Variants in GFRA2 observed in about 807,000 individuals in gnomAD.
The protein encoded by GFRA2 is GDNF family receptor alpha-2.
Under a neutral mutation model 48.3 loss-of-function variants are expected in GFRA2, and 17 were observed. The ratio of observed to expected loss-of-function variants is 0.35; its 90% CI spans 0.24 to 0.53. The LOEUF is 0.53. Among genes scored for constraint, GFRA2 ranks in the 20% least tolerant of loss-of-function variants. The pLI, the probability that GFRA2 is intolerant of heterozygous loss-of-function variation, is 0.93. For synonymous variants in GFRA2, 305 were observed against 257.2 expected (o/e 1.19, Z -1.78); for missense variants, 660 against 637.3 (o/e 1.04, Z -0.38).
chr8:21,693,500 G>A (rs1801975019), intron 8 of GFRA2, 100 bp from the exon 9 acceptor site: 2 of 1,123,202 alleles, frequency 1.8e-6, no homozygotes, highest in Middle Eastern at 2.0e-4. Flanking sequence ...CTCAGGAACT[G>A]GACACCTCAA....
chr8:21,706,831 C>T (rs1250406657), intron 4 of GFRA2, among the ~76,000 whole-genome samples: 1 of 152,226 alleles, frequency 6.6e-6, no homozygotes, highest in African/African-American at 2.4e-5. Flanking sequence ...GGGTCTGTCC[C>T]CAGCCCTCAG....
chr8:21,713,541 G>A (rs541853362), intron 4 of GFRA2, among the ~76,000 whole-genome samples: 2 of 152,158 alleles, frequency 1.3e-5, no homozygotes, highest in East Asian at 3.9e-4. Flanking sequence ...CAAAGGGGAA[G>A]AGAGCAGGGC....
intron 2 of GFRA2, among the ~76,000 whole-genome samples, chr8:21,780,254 G>A (rs1032957583): frequency 6.6e-5 from 10 of 152,022 alleles, no homozygotes; most frequent in South Asian, 2.1e-4. Flanking sequence ...TGGCCGGCAC[G>A]GGGAGCATGG....
chr8:21,704,979 A>G lies in GFRA2; in HGVS notation c.1045+6T>C. ...GCTGGGGTTGGGGAGAACATCCAGA[A>G]CTTACGGAGGCATGGGTTCTCGGTG... On this transcript the variant is annotated splice_donor_region_variant and intron_variant, in intron 6 of 8. Coordinates refer to ENST00000524240, the MANE Select transcript of GFRA2 (RefSeq NM_001495.5). 1 of 1,607,524 alleles carries G rather than the reference A, an allele frequency of 6.2e-7. No homozygotes were observed. The highest frequency in any genetic ancestry group is 2.2e-5 in the East Asian group (1 of 44,760).
intron 7 of GFRA2, among the ~76,000 whole-genome samples, chr8:21,699,980 C>T (rs767419340): frequency 1.7e-4 from 26 of 152,150 alleles, no homozygotes; most frequent in East Asian, 1.2e-3. Flanking sequence ...GCCATGAACA[C>T]GCAAAGCAGG....
chr8:21,776,786 C>T (rs966952809), intron 2 of GFRA2, among the ~76,000 whole-genome samples: 2 of 152,148 alleles, frequency 1.3e-5, no homozygotes, highest in South Asian at 2.1e-4. Context: ...GCATTATTTA[C>T]GGCCCATATC....
intron 3 of GFRA2, among the ~76,000 whole-genome samples, chr8:21,767,369 C>T (rs932354414): frequency 1.3e-5 from 2 of 152,220 alleles, no homozygotes; most frequent in Non-Finnish European, 2.9e-5. Context: ...TGCGTACTTA[C>T]ACTCTCCACA....
chr8:21,718,782 G>C (rs1271876540), intron 4 of GFRA2, among the ~76,000 whole-genome samples: 6 of 152,132 alleles, frequency 3.9e-5, no homozygotes, highest in African/African-American at 1.4e-4. Flanking sequence ...TAGAGCCCTA[G>C]AGAGGTTAAT....
chr8:21,745,805 G>T (rs1804976634), intron 4 of GFRA2, among the ~76,000 whole-genome samples: 1 of 152,192 alleles, frequency 6.6e-6, no homozygotes, highest in Non-Finnish European at 1.5e-5. Context: ...GTAGAAAGAA[G>T]CCACTCCTCT....
chr8:21,725,132 C>T lies in GFRA2; in HGVS notation c.795-19091G>A, dbSNP rs1034528818. Reference sequence around the variant, plus strand: ...CATAGGATGTCACCCAAGCTTCCATCTTCAAAGCAGAACCAGCCAGTCTGG... The same window carrying T: ...CATAGGATGTCACCCAAGCTTCCATTTTCAAAGCAGAACCAGCCAGTCTGG... On this transcript the variant is annotated intron_variant, in intron 4 of 8. Transcript: ENST00000524240. 3.9e-5 allele frequency among the ~76,000 whole-genome samples: 6 copies of T among 152,256 alleles called. No individual in the cohort carries two copies. In the East Asian group the frequency reaches 9.6e-4, roughly 24 times the overall value.
At chr8:21,713,656 CA>C (rs1803184901) in intron 4 of GFRA2, among the ~76,000 whole-genome samples, 1 of 152,054 alleles carries the variant, frequency 6.6e-6, no homozygotes. Context: ...GTCCGCAGAC[CA>C]AAAGCATCAT....
At chr8:21,755,571 T>C (rs1233473197) in intron 3 of GFRA2, among the ~76,000 whole-genome samples, 1 of 151,194 alleles carries the variant, frequency 6.6e-6, no homozygotes, top group Non-Finnish European at 1.5e-5. Flanking sequence ...GAGCAGCCCA[T>C]GCCAATGTGA....
intron 3 of GFRA2, among the ~76,000 whole-genome samples, chr8:21,763,506 CA>C (rs1205038840): frequency 1.3e-5 from 2 of 152,158 alleles, no homozygotes; most frequent in Admixed American, 6.5e-5. Context: ...TTCCACTCAA[CA>C]GGGGCGGTCT....
At position 21,805,822 on chromosome 8, in the gene GFRA2, T is replaced by TA. The variant is rs773416477; in HGVS notation, c.-147-695dup. ...TTTGTTCATTAGGCGCCTAATGAAT[T>TA]ACTTGTTAATTGCTAACTTGATGAA... On this transcript the variant is annotated intron_variant, in intron 1 of 10. Coordinates refer to the GFRA2 transcript ENST00000517328. 1.5e-3 allele frequency among the ~76,000 whole-genome samples: 232 copies of TA among 152,302 alleles called. 1 individual carries two copies. Among genetic ancestry groups the TA allele is most frequent in the Non-Finnish European group, 2.1e-3 (146 of 68,020 alleles).
At chr8:21,698,420 T>C (rs1162748983) in intron 7 of GFRA2, among the ~76,000 whole-genome samples, 1 of 152,148 alleles carries the variant, frequency 6.6e-6, no homozygotes, top group Non-Finnish European at 1.5e-5. Flanking sequence ...AGGAAATCAT[T>C]GTCTTCCTCC....
intron 1 of GFRA2, 60 bp downstream of exon 1, chr8:21,788,060 C>T (rs1807374212): frequency 4.0e-6 from 3 of 744,068 alleles, no homozygotes; most frequent in Middle Eastern, 3.9e-4. Flanking sequence ...GCGCTCCGCT[C>T]GCCCCCCGCC....
intron 4 of GFRA2, among the ~76,000 whole-genome samples, chr8:21,713,350 C>T (rs1002069610): frequency 5.3e-5 from 8 of 151,978 alleles, no homozygotes; most frequent in African/African-American, 1.9e-4. Flanking sequence ...TGTGCGCCAC[C>T]ATGCCTGGCT....
Position 21,750,960 on chromosome 8 carries a change from G to A in GFRA2, c.440-18C>T. 2 of 1,543,010 alleles carry A rather than the reference G, an allele frequency of 1.3e-6. No homozygotes were observed. The highest frequency in any genetic ancestry group is 1.7e-5 in the Admixed American group (1 of 57,222). ...CCCTGTCCCTGGAGGAGGAACAAGA[G>A]AGCAGGTCAGAGGCCACACAAGCAT... On this transcript the variant is annotated intron_variant, in intron 3 of 8. Transcript: ENST00000524240. The surrounding 1 kb of genome is among the most constrained non-coding windows in gnomAD (Gnocchi z 5.7).
Position 21,782,651 on chromosome 8 carries a change from G to A in GFRA2, c.289C>T (p.Arg97Trp), listed in dbSNP as rs1807067558. 3 of 1,585,274 alleles carry A rather than the reference G, an allele frequency of 1.9e-6. No individual in the cohort carries two copies. The highest frequency in any genetic ancestry group is 2.6e-6 in the Non-Finnish European group (3 of 1,166,350). ...ESPLYDCRCK[R>W]GMKKELQCLQ... ...CACTGCAGCTCCTTCTTCATGCCCC[G>A]CTTGCAGCGGCAGTCGTACAGCGGG... The change falls in exon 2 of 9, where the codon CGG becomes TGG. Residue 97 changes from arginine (R) to tryptophan (W), a missense_variant. By Grantham distance (101) the Arg-to-Trp change is moderately radical (BLOSUM62 -3). Transcript: ENST00000524240.
Sources: allele counts gnomAD v4.1 joint callset (sites outside exome capture counted in the v4.1 genomes callset), GRCh38; gene constraint gnomAD v4.1.1; non-coding constraint Gnocchi (gnomAD v3.1); transcripts MANE v1.5; gene names NCBI Gene and HGNC (gene_info 2026-07-23, HGNC 2026-07-21).